ORC5: variants seen among roughly 807,000 people sequenced by gnomAD.
ORC5 encodes origin recognition complex subunit 5.
A neutral mutation model predicts 58.8 loss-of-function variants in ORC5; 39 were observed. The ratio of observed to expected loss-of-function variants is 0.66; its 90% CI spans 0.51 to 0.87. ORC5 has a LOEUF of 0.87. Among genes scored for constraint, ORC5 ranks in the 40% least tolerant of loss-of-function variants. The pLI is 0.00. For missense variants in ORC5, 493 were observed against 506.3 expected (o/e 0.97, Z 0.25); for synonymous variants, 218 against 177.6 (o/e 1.23, Z -1.81).
intron 12 of ORC5, among the ~76,000 whole-genome samples, chr7:104,158,235 G>C (rs976447592): frequency 6.6e-6 from 1 of 151,774 alleles, no homozygotes; most frequent in Non-Finnish European, 1.5e-5. Context: ...CCTTAAGAAA[G>C]TATTTAATAA....
intron 9 of ORC5, 61 bp from the exon 10 acceptor site, chr7:104,166,945 C>T (rs932060323): frequency 7.9e-5 from 72 of 911,558 alleles, no homozygotes; most frequent in Non-Finnish European, 1.2e-4. Flanking sequence ...TTAAGTATCT[C>T]TTCTCACTTG....
chr7:104,139,702 ACAC>A (rs1798642851), intron 12 of ORC5, among the ~76,000 whole-genome samples: 1 of 152,056 alleles, frequency 6.6e-6, no homozygotes, highest in Non-Finnish European at 1.5e-5. Context: ...TAATTAGGTT[ACAC>A]CTTGAAATAT....
intron 8 of ORC5, among the ~76,000 whole-genome samples, chr7:104,181,415 GCTCT>G (rs1400773293): frequency 6.6e-6 from 1 of 151,610 alleles, no homozygotes; most frequent in Non-Finnish European, 1.5e-5. Context: ...ATAAGAATTT[GCTCT>G]CTCTTTATAA....
intron 5 of ORC5, among the ~76,000 whole-genome samples, chr7:104,189,637 G>A (rs1250612222): frequency 2.6e-5 from 4 of 152,150 alleles, no homozygotes; most frequent in Admixed American, 2.6e-4. Flanking sequence ...GAGGTTCTGA[G>A]AGTTTCCAGG....
chr7:104,154,006 T>C (rs1166781125), intron 12 of ORC5, among the ~76,000 whole-genome samples: 2 of 152,134 alleles, frequency 1.3e-5, no homozygotes, highest in African/African-American at 4.8e-5. Flanking sequence ...AAAATTTATT[T>C]AAAGTGCTTT....
At chr7:104,205,172 C>T (rs1800048184) in intron 1 of ORC5, among the ~76,000 whole-genome samples, 2 of 143,032 alleles carry the variant, frequency 1.4e-5, no homozygotes, top group African/African-American at 5.1e-5. Flanking sequence ...TCACTTCAAC[C>T]TCTGCCTCCC....
chr7:104,151,017 T>C (rs1798836987), intron 12 of ORC5, among the ~76,000 whole-genome samples: 1 of 152,082 alleles, frequency 6.6e-6, no homozygotes, highest in East Asian at 1.9e-4. Context: ...GCTCGATAGT[T>C]GTAAGGGGAA....
intron 8 of ORC5, among the ~76,000 whole-genome samples, chr7:104,171,052 T>C (rs1442511424): frequency 6.6e-6 from 1 of 152,198 alleles, no homozygotes; most frequent in East Asian, 1.9e-4. Flanking sequence ...TGAACTTTGC[T>C]CCTGAGTTTG....
At chr7:104,160,145 G>T (rs566793746) in intron 12 of ORC5, among the ~76,000 whole-genome samples, 32 of 152,072 alleles carry the variant, frequency 2.1e-4, no homozygotes, top group Non-Finnish European at 4.4e-4. Context: ...TTCTATACAT[G>T]CTGACTTTTA....
chr7:104,177,550 T>C (rs1799347239), intron 8 of ORC5, among the ~76,000 whole-genome samples: 1 of 152,200 alleles, frequency 6.6e-6, no homozygotes, highest in Non-Finnish European at 1.5e-5. Context: ...GATGTGTTTT[T>C]AATGAGAATT....
At chr7:104,177,148 C>T (rs1167502008) in intron 8 of ORC5, among the ~76,000 whole-genome samples, 3 of 152,132 alleles carry the variant, frequency 2.0e-5, no homozygotes, top group Admixed American at 1.3e-4. Context: ...CCTCAGTTTT[C>T]GTAAGAAATC....
At chr7:104,162,207 C>T (rs1799036574) in intron 11 of ORC5, among the ~76,000 whole-genome samples, 1 of 152,210 alleles carries the variant, frequency 6.6e-6, no homozygotes, top group African/African-American at 2.4e-5. Context: ...GAGCCTCACT[C>T]TGTCACCCAG....
At chr7:104,135,263 T>C (rs1456844592) in intron 13 of ORC5, among the ~76,000 whole-genome samples, 1 of 152,210 alleles carries the variant, frequency 6.6e-6, no homozygotes, top group African/African-American at 2.4e-5. Context: ...AGTTCCAATA[T>C]AATTGCTTTT....
chr7:104,176,022 G>C (rs1799314638), intron 8 of ORC5, among the ~76,000 whole-genome samples: 1 of 152,130 alleles, frequency 6.6e-6, no homozygotes, highest in African/African-American at 2.4e-5. Context: ...CCAAAATGTT[G>C]GTACACAGTC....
At chr7:104,192,258 C>CTTAG (rs773140081) in intron 5 of ORC5, among the ~76,000 whole-genome samples, 8 of 152,226 alleles carry the variant, frequency 5.3e-5, no homozygotes, top group Non-Finnish European at 1.2e-4. Flanking sequence ...CCCCTCAAGT[C>CTTAG]TTAGCTTAAT....
intron 3 of ORC5, among the ~76,000 whole-genome samples, chr7:104,199,239 G>A (rs897928486): frequency 6.6e-6 from 1 of 152,196 alleles, no homozygotes; most frequent in Non-Finnish European, 1.5e-5. Flanking sequence ...CCCCAGAATG[G>A]CAGATTCAAC....
Position 104,180,811 on chromosome 7 carries a change from A to G in ORC5, c.824+3132T>C, listed in dbSNP as rs141717128. On this transcript the variant is annotated intron_variant, in intron 8 of 13. Transcript: ENST00000297431. Reference sequence around the variant, plus strand: ...AACTTAGAGATCTAATATATCATCAAGTCATAATTGTGGTCATTATATGTA... The same window carrying G: ...AACTTAGAGATCTAATATATCATCAGGTCATAATTGTGGTCATTATATGTA... Among the ~76,000 whole-genome samples the G allele has an allele frequency of 5.8e-3, 890 of 152,312 alleles. 30 individuals are homozygous for G. Among genetic ancestry groups the G allele is most frequent in the Admixed American group, 0.049 (750 of 15,294 alleles).
chr7:104,168,227 T>C (rs752359413), intron 9 of ORC5: 6 of 1,030,396 alleles, frequency 5.8e-6, no homozygotes, highest in Admixed American at 3.9e-5. Flanking sequence ...AGAAACTGCT[T>C]GATTTTCATG....
intron 13 of ORC5, 42 bp from the exon 14 acceptor site, chr7:104,126,935 A>G (rs1295973962): frequency 7.1e-7 from 1 of 1,400,484 alleles, no homozygotes; most frequent in Admixed American, 1.7e-5. Context: ...TCTCACCCCT[A>G]GATTGCTCAG....
Sources: allele counts gnomAD v4.1 joint callset (sites outside exome capture counted in the v4.1 genomes callset), GRCh38; gene constraint gnomAD v4.1.1; transcripts MANE v1.5; gene names NCBI Gene and HGNC (gene_info 2026-07-23, HGNC 2026-07-21).